SUN3: variants seen among roughly 807,000 people sequenced by gnomAD.
The protein encoded by SUN3 is Sad1 and UNC84 domain containing 3, also known as SUN domain-containing protein 3.
Under a neutral mutation model 48.2 loss-of-function variants are expected in SUN3, and 36 were observed. The ratio of observed to expected loss-of-function variants is 0.75; its 90% CI spans 0.57 to 0.99. The LOEUF is 0.99. SUN3 is among the 50% of genes least tolerant of loss of function. The probability of loss-of-function intolerance (pLI) is 0.00; values close to 1 mark genes in which losing one functional copy is unlikely to be tolerated. For synonymous variants in SUN3, 148 were observed against 147.9 expected (o/e 1.00, Z 0.00); for missense variants, 419 against 433.1 (o/e 0.97, Z 0.29).
chr7:48,015,810 G>A (rs1346957879), intron 3 of SUN3, among the ~76,000 whole-genome samples: 3 of 152,216 alleles, frequency 2.0e-5, no homozygotes, highest in Non-Finnish European at 4.4e-5. Flanking sequence ...TAACTTTTAA[G>A]CTGTCCTTGT....
At chr7:47,999,957 T>C (rs1789315108) in intron 6 of SUN3, among the ~76,000 whole-genome samples, 1 of 152,258 alleles carries the variant, frequency 6.6e-6, no homozygotes, top group Admixed American at 6.5e-5. Flanking sequence ...ATCATTCATA[T>C]AAAATCTTTA....
intron 1 of SUN3, among the ~76,000 whole-genome samples, 183 bp from the exon 2 acceptor site, chr7:48,026,121 T>C (rs1790127788): frequency 6.6e-6 from 1 of 152,108 alleles, no homozygotes; most frequent in Admixed American, 6.6e-5. Flanking sequence ...AAGATCGTTT[T>C]AGTGATGATA....
intron 7 of SUN3, 103 bp from the exon 8 acceptor site, chr7:47,994,585 A>G (rs1562599027): frequency 8.1e-7 from 1 of 1,240,424 alleles, no homozygotes; most frequent in Non-Finnish European, 1.1e-6. Flanking sequence ...TCTTATGCCT[A>G]TCAAATAGGA....
intron 3 of SUN3, among the ~76,000 whole-genome samples, chr7:48,015,420 C>T (rs1314223247): frequency 6.6e-6 from 1 of 152,188 alleles, no homozygotes; most frequent in Non-Finnish European, 1.5e-5. Flanking sequence ...TCCAGGGAGG[C>T]TTCCTCACTG....
At chr7:48,024,302 A>G (rs1790077004) in intron 2 of SUN3, among the ~76,000 whole-genome samples, 1 of 151,952 alleles carries the variant, frequency 6.6e-6, no homozygotes, top group South Asian at 2.1e-4. Context: ...ATATTAAAAA[A>G]CTCTTCCAAC....
chr7:48,033,561 C>A (rs1790278905), upstream of SUN3, among the ~76,000 whole-genome samples: 1 of 150,582 alleles, frequency 6.6e-6, no homozygotes, highest in African/African-American at 2.4e-5. Flanking sequence ...TATCCTGTCT[C>A]AAAAAAAATA....
intron 4 of SUN3, among the ~76,000 whole-genome samples, chr7:48,008,575 C>G (rs1789596457): frequency 6.6e-6 from 1 of 152,142 alleles, no homozygotes; most frequent in Non-Finnish European, 1.5e-5. Flanking sequence ...TGTATTTTGT[C>G]AAGGAATGCT....
intron 2 of SUN3, among the ~76,000 whole-genome samples, chr7:48,019,367 T>C (rs1171713171): frequency 1.3e-5 from 2 of 151,920 alleles, no homozygotes; most frequent in East Asian, 1.9e-4. Context: ...CTATAAATGA[T>C]GTAATGATGT....
chr7:47,991,183 C>G, intron 8 of SUN3: 1 of 368,818 alleles, frequency 2.7e-6, no homozygotes, highest in Non-Finnish European at 5.2e-6. Context: ...TTTTAAGGAG[C>G]TGGGATCACA....
At chr7:48,018,356 A>C (rs1485824135) in intron 2 of SUN3, 4 of 152,230 alleles carry the variant, frequency 2.6e-5, no homozygotes, top group Non-Finnish European at 4.4e-5. Context: ...CATATACGAC[A>C]AGAAATACAG....
chr7:48,020,555 A>G (rs1789965310), intron 2 of SUN3, among the ~76,000 whole-genome samples: 1 of 152,288 alleles, frequency 6.6e-6, no homozygotes, highest in Non-Finnish European at 1.5e-5. Context: ...ATGATTTTAT[A>G]TTAGGAAAAA....
chr7:48,001,016 A>AT (rs1283303421), intron 6 of SUN3, among the ~76,000 whole-genome samples: 1 of 151,140 alleles, frequency 6.6e-6, no homozygotes, highest in African/African-American at 2.4e-5. Context: ...TTCTGTTTGC[A>AT]TTTTTTTCAA....
intron 3 of SUN3, among the ~76,000 whole-genome samples, chr7:48,016,820 G>T (rs1459937164): frequency 6.6e-6 from 1 of 152,112 alleles, no homozygotes; most frequent in African/African-American, 2.4e-5. Flanking sequence ...AGTTTGTTTG[G>T]CTCACAGTTC....
intron 6 of SUN3, among the ~76,000 whole-genome samples, chr7:47,998,476 T>C (rs1789271440): frequency 6.6e-6 from 1 of 152,212 alleles, no homozygotes; most frequent in Non-Finnish European, 1.5e-5. Flanking sequence ...ATGTGTGTGG[T>C]TTCCAAATAT....
At chr7:48,022,794 A>G (rs566200776) in intron 2 of SUN3, among the ~76,000 whole-genome samples, 235 of 152,250 alleles carry the variant, frequency 1.5e-3, no homozygotes, top group Non-Finnish European at 3.0e-3. Context: ...TGTTATATAG[A>G]AGAAAGTCTT....
At chr7:48,014,484 C>T (rs1002614143) in intron 3 of SUN3, among the ~76,000 whole-genome samples, 14 of 152,246 alleles carry the variant, frequency 9.2e-5, no homozygotes, top group Middle Eastern at 3.4e-3. Flanking sequence ...GTAAAGAAAT[C>T]GATGAGTGTC....
At chr7:48,016,333 T>G (rs926610876) in intron 3 of SUN3, among the ~76,000 whole-genome samples, 2 of 152,118 alleles carry the variant, frequency 1.3e-5, no homozygotes, top group Admixed American at 1.3e-4. Flanking sequence ...ATAATAAAAC[T>G]CCAGTATCCC....
intron 3 of SUN3, 43 bp from the exon 4 acceptor site, chr7:48,009,118 A>T: frequency 1.3e-6 from 2 of 1,569,750 alleles, no homozygotes; most frequent in Non-Finnish European, 1.7e-6. Context: ...AATTCTGCTT[A>T]TTCAAATAGA....
intron 4 of SUN3, among the ~76,000 whole-genome samples, chr7:48,007,648 C>T (rs1268772881): frequency 1.3e-5 from 2 of 152,112 alleles, no homozygotes; most frequent in Non-Finnish European, 2.9e-5. Context: ...CCCACTGTTA[C>T]CTTTCCAATT....
Sources: allele counts gnomAD v4.1 joint callset (sites outside exome capture counted in the v4.1 genomes callset), GRCh38; gene constraint gnomAD v4.1.1; transcripts MANE v1.5; gene names NCBI Gene and HGNC (gene_info 2026-07-23, HGNC 2026-07-21).